PTPRD: variants seen among roughly 807,000 people sequenced by gnomAD.
PTPRD encodes protein tyrosine phosphatase receptor type D, also known as receptor-type tyrosine-protein phosphatase delta.
Under a neutral mutation model 214.5 loss-of-function variants are expected in PTPRD, and 34 were observed. That is an observed-to-expected ratio of 0.16 (90% CI 0.12 to 0.21). The LOEUF (loss-of-function observed/expected upper bound fraction) is 0.21. PTPRD is among the 10% of genes least tolerant of loss of function. PTPRD has a pLI of 1.00. For missense variants in PTPRD, 2,545 were observed against 2,398.7 expected (o/e 1.06, Z -1.27); for synonymous variants, 1,128 against 845.7 (o/e 1.33, Z -5.79).
At chr9:10,078,174 C>A (rs897932751) in intron 3 of PTPRD, among the ~76,000 whole-genome samples, 5 of 151,578 alleles carry the variant, frequency 3.3e-5, no homozygotes, top group African/African-American at 1.2e-4. Context: ...AATCAAATAT[C>A]TTATACCAAT....
chr9:8,840,321 A>T (rs1273968450), intron 11 of PTPRD, among the ~76,000 whole-genome samples: 5 of 152,168 alleles, frequency 3.3e-5, no homozygotes, highest in Admixed American at 1.3e-4. Context: ...TAAATGTCAC[A>T]AGATTTGATG....
chr9:9,489,053 G>A (rs1018801948), intron 8 of PTPRD, among the ~76,000 whole-genome samples: 2 of 152,114 alleles, frequency 1.3e-5, no homozygotes, highest in African/African-American at 2.4e-5. Flanking sequence ...GAGACATAAA[G>A]GGCCAGCACT....
intron 35 of PTPRD, among the ~76,000 whole-genome samples, chr9:8,428,861 G>A (rs1383909520): frequency 6.6e-6 from 1 of 152,208 alleles, no homozygotes; most frequent in Non-Finnish European, 1.5e-5. Flanking sequence ...TACTAATGAT[G>A]GTTCTGCGCC....
intron 9 of PTPRD, among the ~76,000 whole-genome samples, chr9:9,386,080 G>C (rs1312346476): frequency 3.3e-5 from 5 of 152,076 alleles, no homozygotes; most frequent in African/African-American, 1.2e-4. Flanking sequence ...ACTACAAAAA[G>C]AGGCAACTAT....
At chr9:9,258,560 G>C (rs1012352832) in intron 9 of PTPRD, among the ~76,000 whole-genome samples, 12 of 151,874 alleles carry the variant, frequency 7.9e-5, no homozygotes, top group Admixed American at 7.2e-4. Context: ...TCAGAGGTCA[G>C]AATTACATTG....
intron 11 of PTPRD, among the ~76,000 whole-genome samples, chr9:8,781,493 G>C (rs2095695506): frequency 6.6e-6 from 1 of 152,146 alleles, no homozygotes; most frequent in Non-Finnish European, 1.5e-5. Flanking sequence ...AAAACAGAAG[G>C]CAGGTTTTAA....
At chr9:9,730,595 G>C (rs995787378) in intron 7 of PTPRD, among the ~76,000 whole-genome samples, 5 of 152,038 alleles carry the variant, frequency 3.3e-5, no homozygotes, top group Admixed American at 3.3e-4. Flanking sequence ...ACTTTCCTAA[G>C]AGCTCCAGAT....
chr9:10,193,847 GA>G (rs1290104416), intron 3 of PTPRD, among the ~76,000 whole-genome samples: 2 of 151,898 alleles, frequency 1.3e-5, no homozygotes, highest in South Asian at 2.1e-4. Flanking sequence ...CACTGACGAA[GA>G]AAAAATGCAA....
At chr9:10,485,116 C>T (rs748338110) in intron 2 of PTPRD, among the ~76,000 whole-genome samples, 3 of 151,756 alleles carry the variant, frequency 2.0e-5, no homozygotes, top group Non-Finnish European at 2.9e-5. Flanking sequence ...ATTTATTCAC[C>T]AGATTGTCTT....
intron 11 of PTPRD, among the ~76,000 whole-genome samples, chr9:8,897,697 G>A (rs1013908169): frequency 2.6e-5 from 4 of 152,180 alleles, no homozygotes; most frequent in Non-Finnish European, 4.4e-5. Flanking sequence ...CAGAAGTAAA[G>A]AGCCTCCTCT....
At chr9:8,934,480 T>TATAA (rs2098980106) in intron 11 of PTPRD, among the ~76,000 whole-genome samples, 1 of 8,068 alleles carries the variant, frequency 1.2e-4, no homozygotes, top group Non-Finnish European at 2.5e-4. Flanking sequence ...TATATATAAA[T>TATAA]ATATATATAT....
rs1329169897 is a variant in PTPRD, at chr9:8,993,189, G to GT, written c.-104+25507_-104+25508insA. Among the ~76,000 whole-genome samples, 30 of 151,022 alleles carry GT rather than the reference G, an allele frequency of 2.0e-4. No individual in the cohort carries two copies. The East Asian group carries it at 2.6e-3, about 13-fold the overall frequency. ...GGTATGGAGTAGGGGCCATTCCCTT[G>GT]GCCCAGAGAACCTGGCTCTAAGGTT... On this transcript the variant is annotated intron_variant, in intron 11 of 45. Coordinates refer to ENST00000381196, the MANE Select transcript of PTPRD (RefSeq NM_002839.4).
At chr9:8,361,361 C>A (rs1007923816) in intron 39 of PTPRD, among the ~76,000 whole-genome samples, 2 of 152,108 alleles carry the variant, frequency 1.3e-5, no homozygotes, top group African/African-American at 4.8e-5. Context: ...GACTGCAAGC[C>A]AAATGTTGCT....
intron 10 of PTPRD, among the ~76,000 whole-genome samples, chr9:9,067,618 CTT>C (rs2099736902): frequency 1.3e-5 from 2 of 152,060 alleles, no homozygotes; most frequent in African/African-American, 4.8e-5. Flanking sequence ...TACTGTAAAA[CTT>C]TTGAATTTTC....
rs997472004 is a variant in PTPRD at position 9,765,972 on chromosome 9, T to C, written c.-326+838A>G. ...CCACCGCGCCCAGCCCGTAAATTCT[T>C]TATATGTTAGTTCAAGCAATTTTTC... On this transcript the variant is annotated intron_variant, in intron 6 of 45. Transcript: ENST00000381196. Among the ~76,000 whole-genome samples the C allele has an allele frequency of 3.3e-5, 5 of 152,294 alleles. No individual in the cohort carries two copies. In the East Asian group the frequency reaches 7.7e-4, roughly 24 times the overall value.
At chr9:8,637,715 C>A (rs183012597) in intron 12 of PTPRD, among the ~76,000 whole-genome samples, 15 of 152,152 alleles carry the variant, frequency 9.9e-5, no homozygotes, top group Admixed American at 9.8e-4. Flanking sequence ...TTCATCATAT[C>A]ATTTGTTTGG....
intron 2 of PTPRD, among the ~76,000 whole-genome samples, chr9:10,479,662 C>CAAACAAAA (rs2099085328): frequency 7.6e-5 from 4 of 52,596 alleles, no homozygotes. Context: ...AATAAATAAA[C>CAAACAAAA]AAAAATACAA....
chr9:8,769,558 T>C (rs1369321319), intron 11 of PTPRD, among the ~76,000 whole-genome samples: 1 of 152,132 alleles, frequency 6.6e-6, no homozygotes, highest in Non-Finnish European at 1.5e-5. Flanking sequence ...AAAAACTTAA[T>C]GTGATAAATG....
chr9:8,491,071 G>A lies in PTPRD; in HGVS notation c.2467+1791C>T, dbSNP rs559866244. ...CATGAGTAGCGGCTGCTTATGCAAA[G>A]GAAAACTAGAGCTTCGCTCTTAAAG... On this transcript the variant is annotated intron_variant, in intron 27 of 45. Coordinates refer to ENST00000381196, the MANE Select transcript of PTPRD (RefSeq NM_002839.4). Among the ~76,000 whole-genome samples the A allele has an allele frequency of 2.0e-5, 3 of 152,346 alleles. No individual in the cohort carries two copies. In the East Asian group the frequency reaches 5.8e-4, roughly 29 times the overall value.
Sources: gnomAD v4.1 joint callset for allele counts (sites outside exome capture counted in the v4.1 genomes callset) on GRCh38, gnomAD v4.1.1 for gene constraint, MANE v1.5 for transcripts, NCBI Gene and HGNC (gene_info 2026-07-23, HGNC 2026-07-21) for gene names.